The following GALNT13 variants were observed in gnomAD, a reference collection of about 807,000 sequenced individuals.
GALNT13 encodes polypeptide N-acetylgalactosaminyltransferase 13.
In GALNT13, 28 loss-of-function variants were observed where a neutral mutation model predicts 64.2. The ratio of observed to expected loss-of-function variants is 0.44; its 90% CI spans 0.32 to 0.60. The LOEUF (loss-of-function observed/expected upper bound fraction) is 0.60. Among genes scored for constraint, GALNT13 ranks in the 20% least tolerant of loss-of-function variants. The pLI, the probability that GALNT13 is intolerant of heterozygous loss-of-function variation, is 0.05. For synonymous variants in GALNT13, 214 were observed against 224.6 expected, an observed-to-expected ratio of 0.95 and a Z score of 0.42; for missense variants, 577 against 669.8, an observed-to-expected ratio of 0.86 and a Z score of 1.53.
At chr2:153,229,529 T>C in the GALNT13 span, among the ~76,000 whole-genome samples, 1 of 152,208 alleles carries the variant, frequency 6.6e-6, no homozygotes, top group African/African-American at 2.4e-5. Context: ...ACCAATTGGA[T>C]TTCTTTTAAA....
At chr2:153,077,345 C>A in the GALNT13 span, among the ~76,000 whole-genome samples, 4 of 152,054 alleles carry the variant, frequency 2.6e-5, no homozygotes, top group African/African-American at 4.8e-5. Flanking sequence ...AAAGAAAAAT[C>A]TGAGTCACAA....
At chr2:153,857,726 G>T in the GALNT13 span, among the ~76,000 whole-genome samples, 1 of 152,164 alleles carries the variant, frequency 6.6e-6, no homozygotes, top group Non-Finnish European at 1.5e-5. Context: ...GAAACTTGGT[G>T]ATTAAAGGAT....
At chr2:153,402,777 A>G in the GALNT13 span, among the ~76,000 whole-genome samples, 1 of 152,086 alleles carries the variant, frequency 6.6e-6, no homozygotes, top group Non-Finnish European at 1.5e-5. Context: ...TTTCAGCTCC[A>G]TCAGCTCCTT....
chr2:154,139,855 A>G (rs1683160721), intron 3 of GALNT13, among the ~76,000 whole-genome samples: 1 of 152,134 alleles, frequency 6.6e-6, no homozygotes, highest in African/African-American at 2.4e-5. Flanking sequence ...TGTCACCACT[A>G]TGAAGCTTCT....
At chr2:153,552,307 G>A in the GALNT13 span, among the ~76,000 whole-genome samples, 1 of 152,134 alleles carries the variant, frequency 6.6e-6, no homozygotes, top group African/African-American at 2.4e-5. Context: ...CATTAAGGAA[G>A]GGAAAAGTGG....
chr2:153,295,974 T>C, the GALNT13 span, among the ~76,000 whole-genome samples: 1 of 152,184 alleles, frequency 6.6e-6, no homozygotes, highest in Non-Finnish European at 1.5e-5. Flanking sequence ...CTGTTTGGCA[T>C]AGCAAGGGTC....
the GALNT13 span, among the ~76,000 whole-genome samples, chr2:153,647,238 A>G: frequency 5.3e-5 from 8 of 151,996 alleles, no homozygotes; most frequent in Non-Finnish European, 5.9e-5. Context: ...TTTTTCATGT[A>G]TCTGTTGGCT....
rs550007946 is a variant in GALNT13 at position 154,231,453 on chromosome 2, G to GT, written c.312-10572dup. On this transcript the variant is annotated intron_variant, in intron 4 of 12. Transcript: ENST00000392825. ...TTATAGATGGATTTTGTTTTGTTTTGTTTTTATTTTGGGTTGCTCTTTCAT... is the reference window on the plus strand; with the variant it reads ...TTATAGATGGATTTTGTTTTGTTTTGTTTTTTATTTTGGGTTGCTCTTTCAT... Among the ~76,000 whole-genome samples the GT allele has an allele frequency of 2.6e-4, 40 of 151,942 alleles. No homozygotes were observed. The South Asian group carries it at 4.1e-3, about 16-fold the overall frequency.
chr2:154,061,297 G>T (rs541138891), intron 3 of GALNT13, among the ~76,000 whole-genome samples: 77 of 152,194 alleles, frequency 5.1e-4, no homozygotes, highest in East Asian at 3.9e-3. Flanking sequence ...ATTGCAATGC[G>T]TTGGCTGTAA....
Position 154,127,350 on chromosome 2 carries a change from A to G in GALNT13, c.143-12987A>G, listed in dbSNP as rs529362413. On this transcript the variant is annotated intron_variant, in intron 3 of 12. Transcript: ENST00000392825. Reference sequence around the variant, plus strand: ...TTGGAAGGCTACTGTGCCATAATAAACTACTTTTTTCTTGCTTGAATAAAT... The same window carrying G: ...TTGGAAGGCTACTGTGCCATAATAAGCTACTTTTTTCTTGCTTGAATAAAT... 3.3e-5 allele frequency among the ~76,000 whole-genome samples: 5 copies of G among 152,212 alleles called. No individual in the cohort carries two copies. The South Asian group carries it at 1.0e-3, about 32-fold the overall frequency.
chr2:153,072,495 CTG>C, the GALNT13 span, among the ~76,000 whole-genome samples: 2 of 152,200 alleles, frequency 1.3e-5, no homozygotes, highest in Admixed American at 1.3e-4. Context: ...TGGAGAAAAA[CTG>C]AGTTATAGGG....
chr2:153,548,818 T>G, the GALNT13 span, among the ~76,000 whole-genome samples: 1 of 152,178 alleles, frequency 6.6e-6, no homozygotes, highest in African/African-American at 2.4e-5. Context: ...CGTGAAAACT[T>G]GTACACAAAT....
chr2:153,436,951 T>C, the GALNT13 span, among the ~76,000 whole-genome samples: 2 of 152,162 alleles, frequency 1.3e-5, no homozygotes, highest in Non-Finnish European at 2.9e-5. Context: ...CTGCTTTCTC[T>C]TGTGGGCATT....
chr2:153,195,078 A>G, the GALNT13 span, among the ~76,000 whole-genome samples: 1 of 152,184 alleles, frequency 6.6e-6, no homozygotes. Context: ...CTTGGCTGTC[A>G]GTAGTGGCAG....
At chr2:153,907,896 T>A (rs1348290660) in intron 2 of GALNT13, among the ~76,000 whole-genome samples, 1 of 152,102 alleles carries the variant, frequency 6.6e-6, no homozygotes. Flanking sequence ...TATGGTAGGA[T>A]AATTTATATT....
the GALNT13 span, among the ~76,000 whole-genome samples, chr2:153,541,108 G>C: frequency 1.3e-5 from 2 of 152,110 alleles, no homozygotes; most frequent in African/African-American, 4.8e-5. Flanking sequence ...ATAATCCCCA[G>C]GTGTTGTGGG....
At chr2:153,236,322 A>G in the GALNT13 span, among the ~76,000 whole-genome samples, 4,484 of 152,252 alleles carry the variant, frequency 0.029, 240 homozygotes, top group African/African-American at 0.1. Flanking sequence ...GAAGGTGGCT[A>G]CACTAAACAA....
chr2:153,760,952 A>T, the GALNT13 span, among the ~76,000 whole-genome samples: 22 of 152,098 alleles, frequency 1.4e-4, no homozygotes, highest in Non-Finnish European at 3.1e-4. Context: ...TATCTTCCTG[A>T]TAGATTTATC....
chr2:153,394,125 C>A, the GALNT13 span, among the ~76,000 whole-genome samples: 1 of 151,996 alleles, frequency 6.6e-6, no homozygotes, highest in Non-Finnish European at 1.5e-5. Flanking sequence ...GTATGACTTG[C>A]CACATTCACT....
Sources: allele counts gnomAD v4.1 joint callset (sites outside exome capture counted in the v4.1 genomes callset), GRCh38; gene constraint gnomAD v4.1.1; transcripts MANE v1.5; gene names NCBI Gene and HGNC (gene_info 2026-07-23, HGNC 2026-07-21).